The following HIVEP3 variants were observed in gnomAD, a reference collection of about 807,000 sequenced individuals.
HIVEP3 encodes the protein HIVEP zinc finger 3.
HIVEP3 carries 49 observed loss-of-function variants against 152.8 expected under a neutral mutation model. The observed-to-expected ratio is 0.32, with a 90% CI of 0.26 to 0.41. The LOEUF is 0.41. Among genes scored for constraint, HIVEP3 ranks in the 10% least tolerant of loss-of-function variants. The probability of loss-of-function intolerance (pLI) is 1.00; values close to 1 mark genes in which losing one functional copy is unlikely to be tolerated. For synonymous variants in HIVEP3, 1,269 were observed against 1,289.0 expected (o/e 0.98, Z 0.33); for missense variants, 2,790 against 3,103.3 (o/e 0.90, Z 2.40).
In HIVEP3 at chr1:41,798,787, T is replaced by G. The variant is rs193036342; in HGVS notation, c.-800-97792A>C. Among the ~76,000 whole-genome samples the G allele has an allele frequency of 3.0e-4, 46 of 152,370 alleles. 1 individual carries two copies. The highest frequency in any genetic ancestry group is 3.0e-3 in the Admixed American group (46 of 15,300). On this transcript the variant is annotated intron_variant, in intron 1 of 8. Transcript: ENST00000372583. The stretch of plus-strand genomic sequence containing the variant: ...AAGAAAAAAAATCAGCATTTTGTCA[T>G]AGAGCTCACTTTCCACATGAGCTAC...
chr1:41,727,518 G>A (rs980800758), intron 1 of HIVEP3, among the ~76,000 whole-genome samples: 7 of 152,366 alleles, frequency 4.6e-5, no homozygotes, highest in African/African-American at 1.7e-4. Context: ...TTGAGAAAAA[G>A]GAACGAGGGA....
chr1:41,831,586 C>T (rs116773832), intron 1 of HIVEP3, among the ~76,000 whole-genome samples: 77 of 152,242 alleles, frequency 5.1e-4, no homozygotes, highest in Admixed American at 1.4e-3. Context: ...TCATGTGAGA[C>T]GCTGCAGTTA....
chr1:41,893,823 T>C (rs1430411835), intron 1 of HIVEP3, among the ~76,000 whole-genome samples: 3 of 147,086 alleles, frequency 2.0e-5, no homozygotes, highest in African/African-American at 7.4e-5. Context: ...TAATACATTA[T>C]ATAACATATA....
chr1:41,852,449 C>A (rs561891089), intron 1 of HIVEP3, among the ~76,000 whole-genome samples: 159 of 152,346 alleles, frequency 1.0e-3, no homozygotes, highest in African/African-American at 3.2e-3. Flanking sequence ...AGGCCAGAAT[C>A]CCAGAGACAG....
At chr1:41,689,175 T>C (rs937494578) in intron 2 of HIVEP3, among the ~76,000 whole-genome samples, 3 of 152,210 alleles carry the variant, frequency 2.0e-5, no homozygotes, top group African/African-American at 7.2e-5. Flanking sequence ...TCCGTAGGTA[T>C]TTGCAAATAA....
chr1:41,855,610 C>G (rs1182731230), intron 1 of HIVEP3, among the ~76,000 whole-genome samples: 1 of 152,212 alleles, frequency 6.6e-6, no homozygotes, highest in African/African-American at 2.4e-5. Flanking sequence ...CATGAATTCC[C>G]TAACTCTTGA....
At chr1:41,752,159 G>A (rs1647175886) in intron 1 of HIVEP3, among the ~76,000 whole-genome samples, 1 of 152,198 alleles carries the variant, frequency 6.6e-6, no homozygotes, top group South Asian at 2.1e-4. Flanking sequence ...TCTTCTTGAT[G>A]ACATCAGAAT....
intron 3 of HIVEP3, among the ~76,000 whole-genome samples, chr1:41,598,721 T>C (rs1644702472): frequency 6.6e-6 from 1 of 152,112 alleles, no homozygotes; most frequent in Admixed American, 6.5e-5. Flanking sequence ...CAAGACAGTA[T>C]AGTATCGATA....
At chr1:41,901,151 C>T (rs1188189252) in intron 1 of HIVEP3, among the ~76,000 whole-genome samples, 10 of 151,870 alleles carry the variant, frequency 6.6e-5, no homozygotes, top group African/African-American at 9.7e-5. Context: ...GGGTGAAGTC[C>T]GGCTTCTGGC....
chr1:41,670,413 GCCT>G (rs1457904822), intron 2 of HIVEP3, among the ~76,000 whole-genome samples: 1 of 152,152 alleles, frequency 6.6e-6, no homozygotes, highest in Non-Finnish European at 1.5e-5. Context: ...GAGCCCAGGT[GCCT>G]CCATCCCCCC....
chr1:41,865,156 C>A (rs1258846364), intron 1 of HIVEP3, among the ~76,000 whole-genome samples: 1 of 152,316 alleles, frequency 6.6e-6, no homozygotes, highest in South Asian at 2.1e-4. Context: ...TGGTAGCCAG[C>A]AAAATTAAAG....
At chr1:41,515,164 G>C (rs1642568273) in intron 7 of HIVEP3, among the ~76,000 whole-genome samples, 2 of 152,256 alleles carry the variant, frequency 1.3e-5, no homozygotes, top group Non-Finnish European at 2.9e-5. Flanking sequence ...ACCTGACCAG[G>C]AGGGCTGGCA....
At chr1:41,686,826 G>A (rs1043470559) in intron 2 of HIVEP3, among the ~76,000 whole-genome samples, 1 of 152,188 alleles carries the variant, frequency 6.6e-6, no homozygotes, top group Non-Finnish European at 1.5e-5. Context: ...TATCAGAGGA[G>A]CAGCATGAGA....
chr1:41,583,186 G>C lies in HIVEP3; in HGVS notation c.1612C>G (p.Leu538Val). ...PPSTAPPVPLLRSHSMPSAAC... is the reference protein window; with the variant it reads ...PPSTAPPVPLVRSHSMPSAAC... ...GCAGAAGGCATTGAGTGGCTTCTCA[G>C]GAGAGGCACAGGGGGGGCGGTACTG... The change falls in exon 4 of 9, where the codon CTG becomes GTG. Residue 538 changes from leucine to valine, a missense_variant. Around this residue, in one of 9 missense-constraint regions of HIVEP3, gnomAD observed 339 missense variants for 327.0 expected, o/e 1.04. Coordinates refer to ENST00000372583, the MANE Select transcript of HIVEP3 (RefSeq NM_024503.5). This position sits in a 1 kb window ranked among gnomAD's most constrained non-coding sequence, Gnocchi z 6.9. 1 of 1,611,132 alleles carries C rather than the reference G, an allele frequency of 6.2e-7. No homozygotes were observed. Among genetic ancestry groups the C allele is most frequent in the Non-Finnish European group, 8.5e-7 (1 of 1,178,998 alleles).
chr1:41,837,389 C>T (rs1201939308), intron 1 of HIVEP3, among the ~76,000 whole-genome samples: 1 of 152,094 alleles, frequency 6.6e-6, no homozygotes, highest in Non-Finnish European at 1.5e-5. Flanking sequence ...TGCAATGGTG[C>T]AATCTCAGCT....
chr1:41,823,096 G>C (rs1012439722), intron 1 of HIVEP3, among the ~76,000 whole-genome samples: 1 of 152,204 alleles, frequency 6.6e-6, no homozygotes, highest in East Asian at 1.9e-4. Flanking sequence ...AAAAGAAGGA[G>C]AGCAAGAAGG....
At chr1:41,673,258 C>G (rs1645904894) in intron 2 of HIVEP3, among the ~76,000 whole-genome samples, 1 of 152,180 alleles carries the variant, frequency 6.6e-6, no homozygotes, top group Non-Finnish European at 1.5e-5. Context: ...CTGGGGTCTC[C>G]CAGAGGCCAG....
At chr1:41,678,136 G>A (rs181856378) in intron 2 of HIVEP3, among the ~76,000 whole-genome samples, 1 of 152,330 alleles carries the variant, frequency 6.6e-6, no homozygotes, top group African/African-American at 2.4e-5. Context: ...TCCATCGAGT[G>A]TGGTTTGCAA....
chr1:41,679,207 T>G (rs1319332274), intron 2 of HIVEP3, among the ~76,000 whole-genome samples: 1 of 152,242 alleles, frequency 6.6e-6, no homozygotes, highest in African/African-American at 2.4e-5. Context: ...CCTACTCTTT[T>G]TGACATGCGT....
Sources: gnomAD v4.1 joint callset for allele counts (sites outside exome capture counted in the v4.1 genomes callset) on GRCh38, gnomAD v4.1.1 for gene constraint, gnomAD v4.1.1 regional missense constraint, Gnocchi (gnomAD v3.1) non-coding constraint, MANE v1.5 for transcripts, NCBI Gene and HGNC (gene_info 2026-07-23, HGNC 2026-07-21) for gene names.